SOX5: variants seen among roughly 807,000 people sequenced by gnomAD.
SOX5 encodes the protein transcription factor SOX-5.
A neutral mutation model predicts 92.0 loss-of-function variants in SOX5; 9 were observed. That is an observed-to-expected ratio of 0.10 (90% CI 0.06 to 0.17). SOX5 has a LOEUF of 0.17. Among genes scored for constraint, SOX5 ranks in the 10% least tolerant of loss-of-function variants. The pLI is 1.00. For synonymous variants in SOX5, 344 were observed against 336.3 expected (o/e 1.02, Z -0.25); for missense variants, 642 against 944.5 (o/e 0.68, Z 4.20).
intron 2 of SOX5, among the ~76,000 whole-genome samples, chr12:24,348,330 A>G (rs1272777340): frequency 6.6e-6 from 1 of 151,830 alleles, no homozygotes; most frequent in Non-Finnish European, 1.5e-5. Flanking sequence ...CTTCAAGCTC[A>G]TCACATGCCT....
chr12:23,761,290 GC>G (rs2094555936), intron 3 of SOX5, among the ~76,000 whole-genome samples: 1 of 152,058 alleles, frequency 6.6e-6, no homozygotes, highest in Non-Finnish European at 1.5e-5. Flanking sequence ...AAATGGTTTG[GC>G]TACTTAAAAC....
intron 4 of SOX5, among the ~76,000 whole-genome samples, chr12:24,017,420 A>G (rs1032954575): frequency 6.6e-6 from 1 of 151,712 alleles, no homozygotes; most frequent in Non-Finnish European, 1.5e-5. Flanking sequence ...ACATGGTGAA[A>G]CCCCCATCTC....
intron 1 of SOX5, among the ~76,000 whole-genome samples, chr12:24,433,840 C>A (rs550912674): frequency 6.6e-6 from 1 of 152,144 alleles, no homozygotes; most frequent in East Asian, 1.9e-4. Flanking sequence ...GCCATGGGTG[C>A]GGATGAGCAG....
At chr12:24,511,754 C>G (rs1435852703) in intron 1 of SOX5, among the ~76,000 whole-genome samples, 2 of 151,950 alleles carry the variant, frequency 1.3e-5, no homozygotes, top group Non-Finnish European at 2.9e-5. Flanking sequence ...GTCAGGAGAT[C>G]AAGACCATCC....
chr12:23,992,938 A>C (rs949909080), intron 4 of SOX5, among the ~76,000 whole-genome samples: 2 of 152,186 alleles, frequency 1.3e-5, no homozygotes, highest in African/African-American at 4.8e-5. Flanking sequence ...TGTGAAAGAA[A>C]AAAGAAGGAT....
At chr12:23,596,952 A>G (rs959991171) in intron 9 of SOX5, among the ~76,000 whole-genome samples, 1 of 152,224 alleles carries the variant, frequency 6.6e-6, no homozygotes, top group African/African-American at 2.4e-5. Flanking sequence ...TAAACGACTT[A>G]GGTTTTAACT....
chr12:23,553,039 T>C (rs4963558), intron 11 of SOX5, among the ~76,000 whole-genome samples: 2,749 of 152,130 alleles, frequency 0.018, 34 homozygotes, highest in South Asian at 0.028. Context: ...AAGTCTCTTT[T>C]TCAGGTTCTT....
chr12:23,737,791 A>G (rs2093658431), intron 5 of SOX5, among the ~76,000 whole-genome samples: 1 of 147,958 alleles, frequency 6.8e-6, no homozygotes. Flanking sequence ...CTTTGCACTT[A>G]CTTTTCCCTC....
intron 4 of SOX5, among the ~76,000 whole-genome samples, chr12:24,036,601 T>C (rs993831940): frequency 1.3e-5 from 2 of 152,130 alleles, no homozygotes; most frequent in South Asian, 2.1e-4. Flanking sequence ...CCTCACACAG[T>C]TGACATCAAT....
intron 1 of SOX5, among the ~76,000 whole-genome samples, chr12:24,372,291 GCC>G (rs774251784): frequency 2.9e-4 from 44 of 151,016 alleles, no homozygotes; most frequent in Middle Eastern, 3.5e-3. Context: ...TAGCCCCCCA[GCC>G]CCCAACAGGC....
At chr12:24,441,264 G>A (rs951557410) in intron 1 of SOX5, among the ~76,000 whole-genome samples, 3 of 152,120 alleles carry the variant, frequency 2.0e-5, no homozygotes, top group Admixed American at 6.5e-5. Flanking sequence ...CCTACACTGC[G>A]TGTGCAATAA....
intron 4 of SOX5, among the ~76,000 whole-genome samples, chr12:23,989,327 G>A (rs1199143834): frequency 5.3e-5 from 8 of 152,018 alleles, no homozygotes; most frequent in African/African-American, 1.9e-4. Context: ...GAGAGGCAGA[G>A]GTTGCAGTGA....
chr12:23,903,347 G>T (rs2097256812), intron 1 of SOX5, among the ~76,000 whole-genome samples: 1 of 152,152 alleles, frequency 6.6e-6, no homozygotes, highest in African/African-American at 2.4e-5. Context: ...CACTTTAGGA[G>T]ACCAAGGCAG....
At chr12:23,920,025 A>G (rs1342309380) in intron 1 of SOX5, 5 of 152,096 alleles carry the variant, frequency 3.3e-5, no homozygotes, top group Non-Finnish European at 7.4e-5. Context: ...TCTGTTATAT[A>G]TCTCATCTAT....
intron 4 of SOX5, among the ~76,000 whole-genome samples, chr12:23,967,446 T>C (rs1408655842): frequency 7.2e-6 from 1 of 139,622 alleles, no homozygotes; most frequent in Non-Finnish European, 1.5e-5. Flanking sequence ...TATGCAAGTT[T>C]CTTTTCATAA....
intron 3 of SOX5, among the ~76,000 whole-genome samples, chr12:23,817,305 T>C (rs1215149434): frequency 6.6e-6 from 1 of 152,182 alleles, no homozygotes; most frequent in African/African-American, 2.4e-5. Flanking sequence ...CTGCTGGTAG[T>C]AAAACAGAGT....
intron 1 of SOX5, among the ~76,000 whole-genome samples, chr12:24,538,912 T>C (rs10842365): frequency 0.19 from 28,849 of 152,116 alleles, 3,338 homozygotes; most frequent in African/African-American, 0.32. Flanking sequence ...ATTTTAGATA[T>C]TGTTAATGAA....
intron 4 of SOX5, among the ~76,000 whole-genome samples, chr12:24,175,135 T>A (rs574085748): frequency 9.2e-5 from 14 of 152,360 alleles, no homozygotes; most frequent in African/African-American, 3.4e-4. Flanking sequence ...ATACTGTACA[T>A]GGCAATTAAA....
chr12:23,932,339 G>A (rs1319943940), intron 1 of SOX5, among the ~76,000 whole-genome samples: 1 of 151,582 alleles, frequency 6.6e-6, no homozygotes, highest in African/African-American at 2.4e-5. Flanking sequence ...AAAGGGACTA[G>A]AAACTAAATG....
Sources: allele counts gnomAD v4.1 joint callset (sites outside exome capture counted in the v4.1 genomes callset), GRCh38; gene constraint gnomAD v4.1.1; transcripts MANE v1.5; gene names NCBI Gene and HGNC (gene_info 2026-07-23, HGNC 2026-07-21).